Variants in DCUN1D3 observed in about 807,000 individuals in gnomAD.
DCUN1D3 encodes DCN1-like protein 3.
In DCUN1D3, 6 loss-of-function variants were observed where a neutral mutation model predicts 24.8. The observed-to-expected ratio is 0.24, with a 90% CI of 0.13 to 0.48. The LOEUF (loss-of-function observed/expected upper bound fraction) is 0.48. DCUN1D3 is among the 20% of genes least tolerant of loss of function. DCUN1D3 has a pLI of 0.99. For missense variants in DCUN1D3, 258 were observed against 379.4 expected (o/e 0.68, Z 2.66); for synonymous variants, 120 against 144.9 (o/e 0.83, Z 1.24).
chr16:20,893,055 A>C (rs1409809057), intron 1 of DCUN1D3, among the ~76,000 whole-genome samples: 1 of 152,224 alleles, frequency 6.6e-6, no homozygotes, highest in Non-Finnish European at 1.5e-5. Context: ...GGGTGCCTAC[A>C]CCAACTTGTT....
In DCUN1D3 at chr16:20,857,235, G is replaced by T. The variant is rs1178883822; in HGVS notation, c.*2651C>A. On this transcript the variant is annotated 3_prime_UTR_variant, in exon 3 of 3. Transcript: ENST00000324344. ...ACTCAAACTTGAAAGGAACTTGTAA[G>T]TCCCTCCCTGACTGCTCCCTTTTCT... 2 of 152,232 alleles carry T rather than the reference G, an allele frequency of 1.3e-5. No homozygotes were observed. The highest frequency in any genetic ancestry group is 4.8e-5 in the African/African-American group (2 of 41,458). The allele number at this position is 152,232 out of a possible 1,614,324, so 9.4% of individuals were successfully genotyped here. A position where few individuals can be genotyped will look rare whatever the true frequency, so the allele number is the denominator to read the frequency against.
chr16:20,857,833 AAAC>A lies in DCUN1D3; in HGVS notation c.*2050_*2052del, dbSNP rs2081709744. 1 of 152,034 alleles carries A rather than the reference AAAC, an allele frequency of 6.6e-6. No individual in the cohort carries two copies. The highest frequency in any genetic ancestry group is 2.1e-4 in the South Asian group (1 of 4,820). The allele number at this position is 152,034 out of a possible 1,614,324, so 9.4% of individuals were successfully genotyped here. On this transcript the variant is annotated 3_prime_UTR_variant, in exon 3 of 3. Coordinates refer to ENST00000324344, the MANE Select transcript of DCUN1D3 (RefSeq NM_173475.4). The stretch of plus-strand genomic sequence containing the variant: ...TGTCAGGTTTAGGATTTAAAAAAAA[AAAC>A]AAATTCCAAGTATGTTCCCTATGGT...
At position 20,863,194 on chromosome 16, in the gene DCUN1D3, T is replaced by C. The variant is rs577965021; in HGVS notation, c.-105-551A>G. Among the ~76,000 whole-genome samples, 4 of 152,356 alleles carry C rather than the reference T, an allele frequency of 2.6e-5. No individual in the cohort carries two copies. In the East Asian group the frequency reaches 7.7e-4, roughly 29 times the overall value. On this transcript the variant is annotated intron_variant, in intron 1 of 2. Transcript: ENST00000324344. ...CAAGCAGCAAAATGAAATTTGCCTC[T>C]GATCTCTCCAGATTCCTTTCTGGGC... is the stretch of plus-strand genomic sequence containing the variant.
At position 20,857,153 on chromosome 16, in the gene DCUN1D3, G is replaced by A. The variant is rs1017666145; in HGVS notation, c.*2733C>T. On this transcript the variant is annotated 3_prime_UTR_variant, in exon 3 of 3. Coordinates refer to ENST00000324344, the MANE Select transcript of DCUN1D3 (RefSeq NM_173475.4). ...CTGCATTTCTTGTGGTCATGAAAGA[G>A]TCAAGCATTGGCCCAGAGCTACTGC... The A allele has an allele frequency of 4.6e-5, 7 of 152,230 alleles. No individual in the cohort carries two copies. The highest frequency in any genetic ancestry group is 1.7e-4 in the African/African-American group (7 of 41,458). 9.4% of individuals were successfully genotyped at this position (152,230 alleles called of 1,614,324 possible). A position where few individuals can be genotyped will look rare whatever the true frequency, so the allele number is the denominator to read the frequency against.
intron 1 of DCUN1D3, chr16:20,896,208 A>G (rs1414825502): frequency 2.0e-5 from 3 of 152,194 alleles, no homozygotes; most frequent in Non-Finnish European, 2.9e-5. Context: ...ATGGGGTTAT[A>G]AAAGGTAACC....
At chr16:20,898,639 C>T (rs1440052352) in intron 1 of DCUN1D3, among the ~76,000 whole-genome samples, 1 of 152,118 alleles carries the variant, frequency 6.6e-6, no homozygotes. Flanking sequence ...TTTTAGGGCC[C>T]GAAAGCCCTG....
intron 1 of DCUN1D3, among the ~76,000 whole-genome samples, chr16:20,878,820 C>T (rs2081828704): frequency 6.6e-6 from 1 of 152,154 alleles, no homozygotes; most frequent in Non-Finnish European, 1.5e-5. Flanking sequence ...CAATAAAGGT[C>T]CTCCATCTCT....
At chr16:20,890,011 TG>T (rs2081885053) in intron 1 of DCUN1D3, among the ~76,000 whole-genome samples, 1 of 152,112 alleles carries the variant, frequency 6.6e-6, no homozygotes, top group South Asian at 2.1e-4. Flanking sequence ...GCTTCCAGGT[TG>T]GTAAAAGCAT....
At position 20,892,078 on chromosome 16, in the gene DCUN1D3, G is replaced by A. The variant is rs140707075; in HGVS notation, c.-106+8126C>T. 1.1e-4 allele frequency among the ~76,000 whole-genome samples: 17 copies of A among 152,232 alleles called. 1 individual carries two copies. In the East Asian group the frequency reaches 3.3e-3, roughly 29 times the overall value. On this transcript the variant is annotated intron_variant, in intron 1 of 2. Coordinates refer to ENST00000324344, the MANE Select transcript of DCUN1D3 (RefSeq NM_173475.4). ...TCCGACAACTGAACCTCCCATCTTA[G>A]TGCTCTGGGAGTCTTTAGGCTTTTC...
At chr16:20,879,803 C>A (rs1420242047) in intron 1 of DCUN1D3, among the ~76,000 whole-genome samples, 1 of 152,224 alleles carries the variant, frequency 6.6e-6, no homozygotes, top group Non-Finnish European at 1.5e-5. Context: ...CCAAGATTAA[C>A]TCCTATTCAC....
chr16:20,893,896 C>A (rs569425799), intron 1 of DCUN1D3, among the ~76,000 whole-genome samples: 7 of 152,332 alleles, frequency 4.6e-5, no homozygotes, highest in South Asian at 4.2e-4. Context: ...GCATAGAGTT[C>A]AAACCCATCA....
At chr16:20,887,806 C>T (rs781422709) in intron 1 of DCUN1D3, among the ~76,000 whole-genome samples, 2 of 152,176 alleles carry the variant, frequency 1.3e-5, no homozygotes, top group Non-Finnish European at 2.9e-5. Context: ...TGTGGTTTTG[C>T]CCAACTCACT....
rs191079956 is a variant in DCUN1D3 at position 20,873,647 on chromosome 16, C to T, written c.-105-11004G>A. 3.7e-4 allele frequency among the ~76,000 whole-genome samples: 57 copies of T among 152,298 alleles called. 2 individuals are homozygous for T. The highest frequency in any genetic ancestry group is 3.5e-3 in the Admixed American group (54 of 15,292). On this transcript the variant is annotated intron_variant, in intron 1 of 2. Transcript: ENST00000324344. ...CCAGCAGATCCTTTTCCCTCGCTCT[C>T]GGCCATATGGCTGGGTGGGGTTCAT... is the stretch of plus-strand genomic sequence containing the variant.
rs1350387574 is a variant in DCUN1D3 at position 20,859,818 on chromosome 16, T to C, written c.*68A>G. The C allele has an allele frequency of 6.6e-7, 1 of 1,513,268 alleles. No homozygotes were observed. The highest frequency in any genetic ancestry group is 8.8e-7 in the Non-Finnish European group (1 of 1,131,612). The allele number at this position is 1,513,268 out of a possible 1,614,324, so 93.7% of individuals were successfully genotyped here. A position where few individuals can be genotyped will look rare whatever the true frequency, so the allele number is the denominator to read the frequency against. ...TCCGGATCTTCAGTAATTTCCAAAA[T>C]GGTCCAATTCCTCAGTTGGCTGCAG... On this transcript the variant is annotated 3_prime_UTR_variant, in exon 3 of 3. Coordinates refer to ENST00000324344, the MANE Select transcript of DCUN1D3 (RefSeq NM_173475.4).
intron 1 of DCUN1D3, among the ~76,000 whole-genome samples, chr16:20,875,219 C>T (rs1449268508): frequency 8.1e-6 from 1 of 123,910 alleles, no homozygotes; most frequent in South Asian, 2.7e-4. Flanking sequence ...TGCACACACA[C>T]ACACACACAC....
chr16:20,862,192 T>C lies in DCUN1D3; in HGVS notation c.347A>G (p.Asn116Ser), dbSNP rs760866653. The change falls in exon 2 of 3, where the codon AAT (asparagine) becomes AGT (serine). Residue 116 changes from asparagine to serine, a missense_variant. Transcript: ENST00000324344. ...ILEEGMERFC[N>S]DLCVDPTEFR... ...TTCTGTGGGGTCAACACACAGGTCA[T>C]TGCAAAAGCGCTCCATGCCTTCCTC... 7 of 1,614,124 alleles carry C rather than the reference T, an allele frequency of 4.3e-6. No homozygotes were observed. In the Admixed American group the frequency reaches 8.3e-5, roughly 19 times the overall value.
Position 20,860,112 on chromosome 16 carries a change from T to C in DCUN1D3, c.689A>G (p.Glu230Gly), listed in dbSNP as rs2081724012. 1 of 1,614,148 alleles carries C rather than the reference T, an allele frequency of 6.2e-7. No individual in the cohort carries two copies. The highest frequency in any genetic ancestry group is 8.5e-7 in the Non-Finnish European group (1 of 1,180,056). Reference sequence around the variant, plus strand: ...GATGCCCTTGATCCCCGAGGGGTTCTCTGTTAGGAAGTTTAGCCATTGGTC... The same window carrying C: ...GATGCCCTTGATCCCCGAGGGGTTCCCTGTTAGGAAGTTTAGCCATTGGTC... ...VLDQWLNFLT[E>G]NPSGIKGISR... Residue 230 changes from glutamate to glycine, a missense_variant, in exon 3 of 3, where the codon GAG becomes GGG. Glu to Gly is a moderately conservative substitution (Grantham distance 98). Transcript: ENST00000324344. The surrounding 1 kb of genome is among the most constrained non-coding windows in gnomAD (Gnocchi z 4.3).
intron 1 of DCUN1D3, among the ~76,000 whole-genome samples, chr16:20,876,503 G>A (rs1401444290): frequency 1.3e-5 from 2 of 151,604 alleles, no homozygotes; most frequent in African/African-American, 4.8e-5. Context: ...TACTGTTGGT[G>A]GAAATGTTAA....
At chr16:20,900,101 C>G (rs965283739) in intron 1 of DCUN1D3, 103 bp downstream of exon 1, 1 of 151,806 alleles carries the variant, frequency 6.6e-6, no homozygotes, top group African/African-American at 2.4e-5. Flanking sequence ...GACTTCCACT[C>G]CTCCCTTTCC....
Sources: gnomAD v4.1 joint callset for allele counts (sites outside exome capture counted in the v4.1 genomes callset) on GRCh38, gnomAD v4.1.1 for gene constraint, Gnocchi (gnomAD v3.1) non-coding constraint, MANE v1.5 for transcripts, NCBI Gene and HGNC (gene_info 2026-07-23, HGNC 2026-07-21) for gene names.